Variants in GCNT2 observed in about 807,000 individuals in gnomAD.
GCNT2 encodes the protein glucosaminyl (N-acetyl) transferase 2 (I blood group).
GCNT2 carries 34 observed loss-of-function variants against 34.2 expected under a neutral mutation model. The ratio of observed to expected loss-of-function variants is 1.00; its 90% CI spans 0.76 to 1.32. The LOEUF (loss-of-function observed/expected upper bound fraction) is 1.32. Ranked by LOEUF, GCNT2 falls within the 40% of genes most tolerant of loss-of-function variation. The pLI, the probability that GCNT2 is intolerant of heterozygous loss-of-function variation, is 0.00. For synonymous variants in GCNT2, 212 were observed against 188.0 expected (o/e 1.13, Z -1.04); for missense variants, 584 against 489.4 (o/e 1.19, Z -1.82).
In GCNT2 at chr6:10,581,337, C is replaced by A. The variant is rs140344093; in HGVS notation, c.926-40014C>A. On this transcript the variant is annotated intron_variant, in intron 3 of 4. Transcript: ENST00000495262. ...CCAGGCTGGAGTGCAATGGCGTGAT[C>A]TGGGCTCACTGCAACCTCTGCCTCC... 6.5e-3 allele frequency among the ~76,000 whole-genome samples: 982 copies of A among 152,180 alleles called. 7 individuals are homozygous for A. Among genetic ancestry groups the A allele is most frequent in the African/African-American group, 0.022 (928 of 41,508 alleles).
chr6:10,593,197 C>A (rs2127420430), intron 3 of GCNT2, among the ~76,000 whole-genome samples: 1 of 152,234 alleles, frequency 6.6e-6, no homozygotes, highest in East Asian at 1.9e-4. Context: ...CTGAACTGAA[C>A]ATGAATTTAA....
intron 3 of GCNT2, among the ~76,000 whole-genome samples, chr6:10,608,899 A>G (rs936330049): frequency 2.0e-5 from 3 of 152,332 alleles, no homozygotes; most frequent in Non-Finnish European, 4.4e-5. Flanking sequence ...TGCAAACTAC[A>G]TGTCAACAGG....
chr6:10,614,084 T>C (rs545584373), intron 3 of GCNT2, among the ~76,000 whole-genome samples: 4 of 152,306 alleles, frequency 2.6e-5, no homozygotes, highest in African/African-American at 9.6e-5. Flanking sequence ...CAAATTAAAT[T>C]ACTTACTGAA....
chr6:10,562,486 G>C (rs530983765), intron 3 of GCNT2, among the ~76,000 whole-genome samples: 3 of 152,070 alleles, frequency 2.0e-5, no homozygotes, highest in Admixed American at 1.3e-4. Flanking sequence ...TTGAGGCCCA[G>C]GCGGGAGGAT....
intron 3 of GCNT2, among the ~76,000 whole-genome samples, chr6:10,605,830 GA>G (rs1185677450): frequency 6.6e-6 from 1 of 152,130 alleles, no homozygotes; most frequent in Admixed American, 6.5e-5. Context: ...TTGGTGGCTT[GA>G]AAAAAGTTTT....
chr6:10,549,471 CCAT>C (rs1434188961), intron 3 of GCNT2, among the ~76,000 whole-genome samples: 1 of 151,928 alleles, frequency 6.6e-6, no homozygotes, highest in East Asian at 1.9e-4. Context: ...TCACACTTCT[CCAT>C]CAGGGCATGA....
intron 3 of GCNT2, among the ~76,000 whole-genome samples, chr6:10,606,427 G>A (rs1171368739): frequency 1.3e-5 from 2 of 152,138 alleles, no homozygotes; most frequent in Non-Finnish European, 1.5e-5. Context: ...AAGTCATACT[G>A]AACAATGACT....
chr6:10,589,810 T>A (rs981783226), intron 3 of GCNT2, among the ~76,000 whole-genome samples: 4 of 151,224 alleles, frequency 2.6e-5, no homozygotes, highest in African/African-American at 9.9e-5. Context: ...ACTACAGATA[T>A]ACTCAGAAAA....
At chr6:10,538,437 A>AAAAAAATATAT in intron 3 of GCNT2, among the ~76,000 whole-genome samples, 1 of 73,354 alleles carries the variant, frequency 1.4e-5, no homozygotes, top group Non-Finnish European at 2.2e-5. Flanking sequence ...AAAAAAAAAA[A>AAAAAAATATAT]ATATATATAT....
intron 3 of GCNT2, among the ~76,000 whole-genome samples, chr6:10,604,272 T>A (rs753143530): frequency 1.3e-5 from 2 of 152,208 alleles, no homozygotes; most frequent in Non-Finnish European, 2.9e-5. Context: ...TTGTTTTTTG[T>A]ACTTTAATGT....
intron 3 of GCNT2, among the ~76,000 whole-genome samples, chr6:10,599,139 C>G (rs1764987217): frequency 6.6e-6 from 1 of 152,142 alleles, no homozygotes; most frequent in Non-Finnish European, 1.5e-5. Context: ...TCCCTCCGTC[C>G]CTCAGCTTCC....
intron 3 of GCNT2, among the ~76,000 whole-genome samples, chr6:10,595,498 C>T (rs370578264): frequency 6.6e-5 from 10 of 152,098 alleles, no homozygotes; most frequent in African/African-American, 2.4e-4. Flanking sequence ...AGGATGGTCT[C>T]GATCTCCTGA....
intron 3 of GCNT2, among the ~76,000 whole-genome samples, chr6:10,540,083 AAAAGGAAGG>A (rs982478212): frequency 6.6e-6 from 1 of 151,128 alleles, no homozygotes; most frequent in Non-Finnish European, 1.5e-5. Context: ...ATCTCAAAAA[AAAAGGAAGG>A]AAAGGAAGGA....
At chr6:10,557,091 C>G in intron 3 of GCNT2, 1 of 1,584,922 alleles carries the variant, frequency 6.3e-7, no homozygotes, top group South Asian at 1.2e-5. Flanking sequence ...CCAGCTCATG[C>G]AATTGGACGG....
intron 3 of GCNT2, among the ~76,000 whole-genome samples, chr6:10,561,983 G>T (rs889523635): frequency 1.3e-5 from 2 of 152,036 alleles, no homozygotes; most frequent in Admixed American, 6.5e-5. Context: ...CTTTGGGAGG[G>T]TGTTAGGACT....
chr6:10,603,451 C>T (rs926092234), intron 3 of GCNT2, among the ~76,000 whole-genome samples: 2 of 152,206 alleles, frequency 1.3e-5, no homozygotes, highest in South Asian at 2.1e-4. Flanking sequence ...CACCACACAG[C>T]GCCACGGTGG....
At chr6:10,554,961 G>T (rs536199685) in intron 3 of GCNT2, among the ~76,000 whole-genome samples, 1 of 152,344 alleles carries the variant, frequency 6.6e-6, no homozygotes, top group African/African-American at 2.4e-5. Context: ...TTTGGTCGGA[G>T]TTCAGGGTGC....
chr6:10,585,826 C>G (rs533689099), intron 3 of GCNT2: 2 of 1,459,188 alleles, frequency 1.4e-6, no homozygotes, highest in Non-Finnish European at 1.8e-6. Flanking sequence ...GACGAGACAC[C>G]GAAGCAGAGG....
At chr6:10,620,499 C>G (rs891601137) in intron 3 of GCNT2, among the ~76,000 whole-genome samples, 1 of 151,774 alleles carries the variant, frequency 6.6e-6, no homozygotes, top group African/African-American at 2.4e-5. Flanking sequence ...CTTGACCTTC[C>G]TAGGCTCACA....
Sources: gnomAD v4.1 joint callset for allele counts (sites outside exome capture counted in the v4.1 genomes callset) on GRCh38, gnomAD v4.1.1 for gene constraint, MANE v1.5 for transcripts, NCBI Gene and HGNC (gene_info 2026-07-23, HGNC 2026-07-21) for gene names.